SPAG6: variants seen among roughly 807,000 people sequenced by gnomAD.
SPAG6 encodes the protein sperm associated antigen 6, also known as sperm-associated antigen 6.
SPAG6 carries 49 observed loss-of-function variants against 58.5 expected under a neutral mutation model. The ratio of observed to expected loss-of-function variants is 0.84; its 90% CI spans 0.67 to 1.06. SPAG6 has a LOEUF of 1.06. Ranked by LOEUF, SPAG6 falls within the 50% of genes least tolerant of loss-of-function variation. The pLI is 0.00. For synonymous variants in SPAG6, 233 were observed against 225.6 expected, an observed-to-expected ratio of 1.03 and a Z score of -0.29; for missense variants, 560 against 611.3, an observed-to-expected ratio of 0.92 and a Z score of 0.89.
At chr10:22,408,832 C>A (rs1235487818) in intron 9 of SPAG6, among the ~76,000 whole-genome samples, 1 of 152,234 alleles carries the variant, frequency 6.6e-6, no homozygotes, top group Non-Finnish European at 1.5e-5. Context: ...GGGATATAAT[C>A]TCCTGGTGCT....
intron 2 of SPAG6, among the ~76,000 whole-genome samples, chr10:22,346,323 CT>C (rs1836526675): frequency 6.6e-6 from 1 of 151,970 alleles, no homozygotes; most frequent in African/African-American, 2.4e-5. Context: ...TGGCGCGTTC[CT>C]TCTACTCCTC....
At chr10:22,403,674 G>C (rs1460309641) in intron 9 of SPAG6, among the ~76,000 whole-genome samples, 1 of 144,314 alleles carries the variant, frequency 6.9e-6, no homozygotes, top group African/African-American at 2.8e-5. Context: ...TGGGTCAAAT[G>C]GTATTTCTAG....
chr10:22,351,353 G>T (rs895559131), intron 2 of SPAG6, among the ~76,000 whole-genome samples: 6 of 152,274 alleles, frequency 3.9e-5, no homozygotes, highest in Admixed American at 3.9e-4. Context: ...TTAAACGCAC[G>T]CAGAGGAAAG....
At chr10:22,370,439 T>C (rs1833657194) in intron 4 of SPAG6, among the ~76,000 whole-genome samples, 2 of 152,236 alleles carry the variant, frequency 1.3e-5, no homozygotes, top group African/African-American at 2.4e-5. Context: ...ATTATGTTAA[T>C]GGTGGAACTG....
chr10:22,408,425 G>A (rs1352089982), intron 9 of SPAG6, among the ~76,000 whole-genome samples: 1 of 146,056 alleles, frequency 6.8e-6, no homozygotes, highest in Non-Finnish European at 1.5e-5. Context: ...CCTGCTGGGG[G>A]GTGCCTCCCA....
chr10:22,401,107 G>T, intron 8 of SPAG6, 54 bp from the exon 9 acceptor site: 1 of 798,092 alleles, frequency 1.3e-6, no homozygotes, highest in South Asian at 1.6e-5. Flanking sequence ...TTGAATTCTT[G>T]TCAAGGTTTC....
chr10:22,377,168 A>G (rs1026381862), intron 4 of SPAG6, among the ~76,000 whole-genome samples: 7 of 152,130 alleles, frequency 4.6e-5, no homozygotes, highest in African/African-American at 1.2e-4. Context: ...GGCCTATGGA[A>G]AGGTTCACAT....
Position 22,354,980 on chromosome 10 carries a change from C to T in SPAG6, c.121+9162C>T, listed in dbSNP as rs372163309. 7.5e-5 allele frequency among the ~76,000 whole-genome samples: 11 copies of T among 147,178 alleles called. No individual in the cohort carries two copies. In the East Asian group the frequency reaches 9.8e-4, roughly 13 times the overall value. ...CTGCACTCCAGCCTGGGCAACAGAA[C>T]GAGACTCCGTCTCAAAAAAAAAAAA... On this transcript the variant is annotated intron_variant, in intron 2 of 10. Coordinates refer to ENST00000376624, the MANE Select transcript of SPAG6 (RefSeq NM_012443.4).
At chr10:22,376,075 G>T (rs1354786644) in intron 4 of SPAG6, among the ~76,000 whole-genome samples, 1 of 151,972 alleles carries the variant, frequency 6.6e-6, no homozygotes, top group Non-Finnish European at 1.5e-5. Context: ...TTATTTTATT[G>T]CCATTTAATT....
intron 2 of SPAG6, chr10:22,360,732 G>A: frequency 2.5e-6 from 3 of 1,217,904 alleles, no homozygotes; most frequent in Non-Finnish European, 3.4e-6. Context: ...GTGAGCCCCA[G>A]TGATGTCGTT....
chr10:22,411,376 C>G, intron 10 of SPAG6, 200 bp downstream of exon 10: 1 of 452,942 alleles, frequency 2.2e-6, no homozygotes, highest in Non-Finnish European at 3.9e-6. Context: ...CCAATTCAAA[C>G]TGGAATGTCA....
chr10:22,402,991 G>A (rs1834451160), intron 9 of SPAG6, among the ~76,000 whole-genome samples: 1 of 152,104 alleles, frequency 6.6e-6, no homozygotes, highest in Non-Finnish European at 1.5e-5. Flanking sequence ...AGCTATGAAA[G>A]TAAACACTAA....
At chr10:22,395,096 C>G (rs1323979702) in intron 8 of SPAG6, among the ~76,000 whole-genome samples, 1 of 152,116 alleles carries the variant, frequency 6.6e-6, no homozygotes, top group African/African-American at 2.4e-5. Context: ...CTTTCTATTG[C>G]CAAATAATAT....
intron 7 of SPAG6, 107 bp from the exon 8 acceptor site, chr10:22,391,622 A>G (rs778723193): frequency 3.4e-5 from 33 of 963,088 alleles, no homozygotes; most frequent in Non-Finnish European, 4.9e-5. Flanking sequence ...CATTTAAGAA[A>G]AAAAGGATCA....
intron 2 of SPAG6, among the ~76,000 whole-genome samples, chr10:22,364,556 A>T (rs1350358706): frequency 3.9e-5 from 6 of 152,208 alleles, no homozygotes; most frequent in African/African-American, 1.2e-4. Context: ...CTTTCTCTGC[A>T]TGCCTCATAA....
intron 6 of SPAG6, among the ~76,000 whole-genome samples, chr10:22,388,511 C>T (rs1834117575): frequency 6.6e-6 from 1 of 152,168 alleles, no homozygotes; most frequent in Non-Finnish European, 1.5e-5. Context: ...ACTGTGACCA[C>T]TCCAGTAGCT....
chr10:22,346,184 C>T (rs1836522106), intron 2 of SPAG6: 3 of 1,059,532 alleles, frequency 2.8e-6, no homozygotes, highest in Non-Finnish European at 3.7e-6. Context: ...CTTCGACTTC[C>T]TCACAGCAAA....
chr10:22,352,544 T>C (rs1324939136), intron 2 of SPAG6, among the ~76,000 whole-genome samples: 1 of 152,168 alleles, frequency 6.6e-6, no homozygotes, highest in African/African-American at 2.4e-5. Context: ...TGAGACGGAG[T>C]TTCACTCTTG....
chr10:22,396,274 G>A (rs1834290294), intron 8 of SPAG6, among the ~76,000 whole-genome samples: 1 of 152,170 alleles, frequency 6.6e-6, no homozygotes, highest in African/African-American at 2.4e-5. Flanking sequence ...AATCATGGGT[G>A]TGGTTTCCCC....
Sources: allele counts gnomAD v4.1 joint callset (sites outside exome capture counted in the v4.1 genomes callset), GRCh38; gene constraint gnomAD v4.1.1; transcripts MANE v1.5; gene names NCBI Gene and HGNC (gene_info 2026-07-23, HGNC 2026-07-21).